Variants in ZFHX3 observed in about 807,000 individuals in gnomAD.
The protein encoded by ZFHX3 is zinc finger homeobox protein 3.
A neutral mutation model predicts 279.1 loss-of-function variants in ZFHX3; 42 were observed. The ratio of observed to expected loss-of-function variants is 0.15; its 90% CI spans 0.12 to 0.19. The LOEUF (loss-of-function observed/expected upper bound fraction) is 0.19. Ranked by LOEUF, ZFHX3 falls within the 10% of genes least tolerant of loss-of-function variation. ZFHX3 has a pLI of 1.00. For missense variants in ZFHX3, 4,981 were observed against 4,754.0 expected, an observed-to-expected ratio of 1.05 and a Z score of -1.40; for synonymous variants, 2,293 against 1,957.8, an observed-to-expected ratio of 1.17 and a Z score of -4.52.
intron 4 of ZFHX3, among the ~76,000 whole-genome samples, chr16:72,854,194 C>T (rs1186149365): frequency 2.0e-5 from 3 of 152,174 alleles, no homozygotes; most frequent in Non-Finnish European, 4.4e-5. Flanking sequence ...AAGGATATGG[C>T]CTTGCTTCTC....
chr16:72,922,034 C>A (rs1471746081), intron 3 of ZFHX3, among the ~76,000 whole-genome samples: 1 of 152,212 alleles, frequency 6.6e-6, no homozygotes, highest in African/African-American at 2.4e-5. Flanking sequence ...GGGGGTCTCA[C>A]TTCCTTCTCA....
chr16:72,899,773 G>T (rs1398295347), intron 3 of ZFHX3, among the ~76,000 whole-genome samples: 1 of 152,130 alleles, frequency 6.6e-6, no homozygotes, highest in Non-Finnish European at 1.5e-5. Flanking sequence ...CTGCTGGGAG[G>T]ATTCAATGGG....
At chr16:73,692,549 G>T (rs1597069069) in intron 1 of ZFHX3, among the ~76,000 whole-genome samples, 1 of 152,110 alleles carries the variant, frequency 6.6e-6, no homozygotes, top group African/African-American at 2.4e-5. Flanking sequence ...AGTAACAAAG[G>T]TTGCCTCTGT....
At position 72,928,212 on chromosome 16, in the gene ZFHX3, G is replaced by A. The variant is rs1185131141; in HGVS notation, c.3216+22257C>T. On this transcript the variant is annotated intron_variant, in intron 3 of 9. Transcript: ENST00000268489. ...GAGGGGGAGGGGAGCGAGGGGGAGCGAAGGGGAGCGAGGGGGAGCGAGAGA... is the reference window on the plus strand; with the variant it reads ...GAGGGGGAGGGGAGCGAGGGGGAGCAAAGGGGAGCGAGGGGGAGCGAGAGA... Among the ~76,000 whole-genome samples the A allele has an allele frequency of 3.2e-5, 4 of 123,082 alleles. No individual in the cohort carries two copies. In the Admixed American group the frequency reaches 3.3e-4, roughly 10 times the overall value. The allele number at this position is 123,082 out of a possible 152,430, so 80.7% of individuals were successfully genotyped here. A position where few individuals can be genotyped will look rare whatever the true frequency, so the allele number is the denominator to read the frequency against.
In ZFHX3 at chr16:73,520,558, T is replaced by C. The variant is rs78595441; in HGVS notation, c.-1546-64300A>G. Among the ~76,000 whole-genome samples the C allele has an allele frequency of 7.5e-3, 1,139 of 152,286 alleles. 15 individuals carry two copies. Among genetic ancestry groups the C allele is most frequent in the African/African-American group, 0.02 (837 of 41,552 alleles). ...GAACAGCTGATGCACCTTCAAATTC[T>C]CCATCTGGCTCTCTCACCACCAAGC... On this transcript the variant is annotated intron_variant, in intron 2 of 17. Coordinates refer to the ZFHX3 transcript ENST00000641206.
At chr16:72,993,274 T>A (rs935195714) in intron 1 of ZFHX3, among the ~76,000 whole-genome samples, 3 of 152,214 alleles carry the variant, frequency 2.0e-5, no homozygotes, top group African/African-American at 4.8e-5. Context: ...GCACCCTGTA[T>A]GGCCCACTGT....
intron 8 of ZFHX3, among the ~76,000 whole-genome samples, chr16:73,070,917 C>G (rs1253896331): frequency 1.2e-5 from 1 of 83,976 alleles, no homozygotes; most frequent in African/African-American, 6.0e-5. Context: ...GACCGTCTTG[C>G]GCGCGCGCGC....
At chr16:73,571,092 C>T (rs2051730013) in intron 2 of ZFHX3, among the ~76,000 whole-genome samples, 1 of 151,852 alleles carries the variant, frequency 6.6e-6, no homozygotes. Context: ...TCAGTAATTT[C>T]TAAAAATGGG....
intron 5 of ZFHX3, among the ~76,000 whole-genome samples, chr16:73,180,035 T>G (rs1325845395): frequency 6.6e-6 from 1 of 152,188 alleles, no homozygotes; most frequent in African/African-American, 2.4e-5. Flanking sequence ...TAGAAGGTGA[T>G]AAATCAAGGG....
intron 2 of ZFHX3, among the ~76,000 whole-genome samples, chr16:73,537,504 G>A (rs1255357690): frequency 6.6e-6 from 1 of 151,996 alleles, no homozygotes. Flanking sequence ...TTCTAGTAGA[G>A]ATGGGGTTTC....
At chr16:73,553,136 T>A (rs1053564063) in intron 2 of ZFHX3, among the ~76,000 whole-genome samples, 6 of 151,472 alleles carry the variant, frequency 4.0e-5, no homozygotes, top group South Asian at 2.1e-4. Flanking sequence ...TTTACTCCAA[T>A]AAACCAATGT....
intron 1 of ZFHX3, among the ~76,000 whole-genome samples, chr16:73,750,797 T>G (rs2053755480): frequency 6.6e-6 from 1 of 152,000 alleles, no homozygotes; most frequent in Admixed American, 6.6e-5. Flanking sequence ...TTGCAGGCAA[T>G]TAGGGGTAAT....
chr16:72,829,281 G>A (rs1246494805), intron 5 of ZFHX3, among the ~76,000 whole-genome samples: 1 of 151,066 alleles, frequency 6.6e-6, no homozygotes, highest in African/African-American at 2.4e-5. Flanking sequence ...CCAAAGTATT[G>A]AGATTACATG....
intron 2 of ZFHX3, among the ~76,000 whole-genome samples, chr16:73,628,211 T>C (rs973443820): frequency 2.0e-5 from 3 of 152,322 alleles, no homozygotes; most frequent in African/African-American, 4.8e-5. Context: ...AACCACATCA[T>C]TGAGAGGTAC....
chr16:73,722,246 T>G (rs2053480405), intron 1 of ZFHX3, among the ~76,000 whole-genome samples: 1 of 152,132 alleles, frequency 6.6e-6, no homozygotes, highest in African/African-American at 2.4e-5. Context: ...TCTGGACAGA[T>G]TCAAAGAAAC....
chr16:73,528,114 T>G (rs572796535), intron 2 of ZFHX3, among the ~76,000 whole-genome samples: 1 of 152,328 alleles, frequency 6.6e-6, no homozygotes, highest in Non-Finnish European at 1.5e-5. Flanking sequence ...GGGAGCGGCC[T>G]CCTGGAGAGC....
At chr16:72,824,819 G>A (rs574174683) in intron 5 of ZFHX3, among the ~76,000 whole-genome samples, 14 of 152,188 alleles carry the variant, frequency 9.2e-5, no homozygotes, top group African/African-American at 3.1e-4. Flanking sequence ...TTGCTGACAC[G>A]GGGGGCTCTT....
chr16:73,807,916 A>C (rs1444133681), intron 1 of ZFHX3, among the ~76,000 whole-genome samples: 1 of 152,052 alleles, frequency 6.6e-6, no homozygotes, highest in Non-Finnish European at 1.5e-5. Context: ...ATCTTCCTAG[A>C]AATCCTCATG....
At chr16:72,981,877 CTTT>C (rs34508059) in intron 1 of ZFHX3, among the ~76,000 whole-genome samples, 165 of 130,694 alleles carry the variant, frequency 1.3e-3, no homozygotes, top group South Asian at 3.5e-3. Flanking sequence ...ACACATTTTC[CTTT>C]TTTTTTTTTT....
Sources: allele counts gnomAD v4.1 joint callset (sites outside exome capture counted in the v4.1 genomes callset), GRCh38; gene constraint gnomAD v4.1.1; transcripts MANE v1.5; gene names NCBI Gene and HGNC (gene_info 2026-07-23, HGNC 2026-07-21).